CDH4: variants seen among roughly 807,000 people sequenced by gnomAD.
CDH4 encodes the protein cadherin 4.
Under a neutral mutation model 86.0 loss-of-function variants are expected in CDH4, and 33 were observed. The ratio of observed to expected loss-of-function variants is 0.38; its 90% CI spans 0.29 to 0.51. CDH4 has a LOEUF of 0.51. CDH4 is among the 20% of genes least tolerant of loss of function. The probability of loss-of-function intolerance (pLI) is 0.86; values close to 1 mark genes in which losing one functional copy is unlikely to be tolerated. For missense variants in CDH4, 1,114 were observed against 1,307.4 expected (o/e 0.85, Z 2.28); for synonymous variants, 555 against 549.4 (o/e 1.01, Z -0.14).
intron 2 of CDH4, among the ~76,000 whole-genome samples, chr20:61,418,664 A>G (rs888531395): frequency 6.6e-6 from 1 of 152,144 alleles, no homozygotes; most frequent in Non-Finnish European, 1.5e-5. Context: ...GTGCTGTTAC[A>G]AAGCGCCGTC....
chr20:61,887,210 C>A (rs1297143241), intron 7 of CDH4, among the ~76,000 whole-genome samples: 3 of 152,166 alleles, frequency 2.0e-5, no homozygotes, highest in African/African-American at 7.2e-5. Flanking sequence ...GGAGCCAGGC[C>A]AACCCTGCCT....
At position 61,844,727 on chromosome 20, in the gene CDH4, C is replaced by T. The variant is rs775701848; in HGVS notation, c.636C>T (p.Ala212=). 1.1e-5 allele frequency: 17 copies of T among 1,614,004 alleles called. No homozygotes were observed. The highest frequency in any genetic ancestry group is 5.5e-5 in the South Asian group (5 of 91,044). ...GGTACAGCATCACGGGAGTGGGCGCCGACCAGCCCCCCATGGAGGTCTTCA... is the reference window on the plus strand; with the variant it reads ...GGTACAGCATCACGGGAGTGGGCGCTGACCAGCCCCCCATGGAGGTCTTCA... ...PIRYSITGVG[A]DQPPMEVFSI... is the part of the protein sequence containing the mutation. The change falls in exon 5 of 16, where the codon GCC becomes GCT. Residue 212 remains alanine, a synonymous_variant. Coordinates refer to ENST00000614565, the MANE Select transcript of CDH4 (RefSeq NM_001794.5).
chr20:61,286,209 C>T (rs2084292496), intron 2 of CDH4, among the ~76,000 whole-genome samples: 1 of 152,186 alleles, frequency 6.6e-6, no homozygotes, highest in Non-Finnish European at 1.5e-5. Flanking sequence ...CAGATCTGGC[C>T]CCGCTTTCTT....
At chr20:61,618,327 C>T (rs2427191) in intron 2 of CDH4, among the ~76,000 whole-genome samples, 34,520 of 151,858 alleles carry the variant, frequency 0.23, 4,115 homozygotes, top group South Asian at 0.34. Context: ...TGGCTGGGAG[C>T]GTTGTTTTTC....
chr20:61,802,913 C>T (rs955692226), intron 4 of CDH4, among the ~76,000 whole-genome samples: 2 of 152,236 alleles, frequency 1.3e-5, no homozygotes, highest in African/African-American at 2.4e-5. Flanking sequence ...CAGGCTGGCT[C>T]TCGCTGGAGG....
intron 2 of CDH4, among the ~76,000 whole-genome samples, chr20:61,688,132 G>A (rs572463263): frequency 1.3e-5 from 2 of 152,130 alleles, no homozygotes; most frequent in African/African-American, 4.8e-5. Flanking sequence ...CTGAGCTTCT[G>A]CAGGGCCTCC....
intron 2 of CDH4, among the ~76,000 whole-genome samples, chr20:61,716,316 A>ACCTGTAAAGGGGTGGACGCTCCTCGCCTG (rs2087952670): frequency 6.9e-6 from 1 of 144,644 alleles, no homozygotes; most frequent in African/African-American, 2.8e-5. Context: ...CTCCTCACCC[A>ACCTGTAAAGGGGTGGACGCTCCTCGCCTG]TGAGCTGCCT....
chr20:61,552,294 T>C (rs577043396), intron 2 of CDH4, among the ~76,000 whole-genome samples: 1 of 152,342 alleles, frequency 6.6e-6, no homozygotes, highest in African/African-American at 2.4e-5. Context: ...AATAACTCAA[T>C]TTCAAATGAG....
intron 7 of CDH4, among the ~76,000 whole-genome samples, chr20:61,883,219 G>A (rs1475061023): frequency 1.3e-5 from 2 of 151,984 alleles, no homozygotes; most frequent in African/African-American, 4.8e-5. Flanking sequence ...AGCCCTGCCT[G>A]CCGCCCGGTT....
intron 4 of CDH4, among the ~76,000 whole-genome samples, chr20:61,796,962 G>T (rs1429811980): frequency 6.6e-6 from 1 of 152,140 alleles, no homozygotes; most frequent in Non-Finnish European, 1.5e-5. Flanking sequence ...GCTTGCTTGG[G>T]AGCGCCATAC....
At chr20:61,913,349 C>T (rs2054871577) in intron 9 of CDH4, among the ~76,000 whole-genome samples, 1 of 152,244 alleles carries the variant, frequency 6.6e-6, no homozygotes, top group Admixed American at 6.5e-5. Context: ...GGGCTGGTGG[C>T]CTCAGCCGTC....
At chr20:61,854,480 G>A (rs1368045587) in intron 6 of CDH4, among the ~76,000 whole-genome samples, 1 of 150,966 alleles carries the variant, frequency 6.6e-6, no homozygotes. Context: ...GGGCTGCAGT[G>A]TGAACAGGGT....
chr20:61,435,271 T>C (rs1291211321), intron 2 of CDH4, among the ~76,000 whole-genome samples: 1 of 152,204 alleles, frequency 6.6e-6, no homozygotes, highest in Non-Finnish European at 1.5e-5. Context: ...GGGACCATTT[T>C]ACAGAAAACA....
At chr20:61,880,082 A>G (rs1568863998) in intron 7 of CDH4, among the ~76,000 whole-genome samples, 1 of 152,188 alleles carries the variant, frequency 6.6e-6, no homozygotes, top group African/African-American at 2.4e-5. Flanking sequence ...GCTCTGTTCT[A>G]CTGCTCAGGA....
chr20:61,656,726 G>C (rs553445495), intron 2 of CDH4, among the ~76,000 whole-genome samples: 2 of 152,184 alleles, frequency 1.3e-5, no homozygotes, highest in Admixed American at 1.3e-4. Context: ...CTCCTCCCAG[G>C]ATCGTCCCCT....
rs1209371538 is a variant in CDH4, at chr20:61,337,743, G to T, written c.169+82806G>T. On this transcript the variant is annotated intron_variant, in intron 2 of 15. Coordinates refer to ENST00000614565, the MANE Select transcript of CDH4 (RefSeq NM_001794.5). ...ATTCCATGACCTTCATAATCTGTAA[G>T]ATTTCTATTTCTTTGAGCTGTGGTT... Among the ~76,000 whole-genome samples, 2 of 152,030 alleles carry T rather than the reference G, an allele frequency of 1.3e-5. 1 individual carries two copies. The highest frequency in any genetic ancestry group is 3.9e-4 in the East Asian group (2 of 5,176).
chr20:61,331,346 A>C (rs990087707), intron 2 of CDH4, among the ~76,000 whole-genome samples: 10 of 151,934 alleles, frequency 6.6e-5, no homozygotes, highest in Non-Finnish European at 1.3e-4. Context: ...GAGTCCGACC[A>C]TGTCACTGCC....
chr20:61,670,182 T>A (rs962965292), intron 2 of CDH4, among the ~76,000 whole-genome samples: 12 of 152,218 alleles, frequency 7.9e-5, no homozygotes, highest in African/African-American at 2.9e-4. Context: ...CAGGAATGGC[T>A]AGACTCAGGT....
chr20:61,898,223 G>T (rs934763854), intron 8 of CDH4, among the ~76,000 whole-genome samples: 9 of 152,378 alleles, frequency 5.9e-5, no homozygotes, highest in Admixed American at 5.9e-4. Flanking sequence ...CATGCCGCCA[G>T]GCTATTTTTA....
Sources: allele counts gnomAD v4.1 joint callset (sites outside exome capture counted in the v4.1 genomes callset), GRCh38; gene constraint gnomAD v4.1.1; transcripts MANE v1.5; gene names NCBI Gene and HGNC (gene_info 2026-07-23, HGNC 2026-07-21).